The following SDK1 variants were observed in gnomAD, a reference collection of about 807,000 sequenced individuals.
SDK1 encodes the protein protein sidekick-1.
A neutral mutation model predicts 245.5 loss-of-function variants in SDK1; 157 were observed. That is an observed-to-expected ratio of 0.64 (90% CI 0.56 to 0.73). The LOEUF (loss-of-function observed/expected upper bound fraction) is 0.73. Ranked by LOEUF, SDK1 falls within the 30% of genes least tolerant of loss-of-function variation. SDK1 has a pLI of 0.00. For synonymous variants in SDK1, 1,647 were observed against 1,278.5 expected, an observed-to-expected ratio of 1.29 and a Z score of -6.15; for missense variants, 3,583 against 3,002.3, an observed-to-expected ratio of 1.19 and a Z score of -4.52.
intron 1 of SDK1, among the ~76,000 whole-genome samples, chr7:3,552,161 C>T (rs1779439121): frequency 6.6e-6 from 1 of 152,114 alleles, no homozygotes; most frequent in South Asian, 2.1e-4. Flanking sequence ...CCTCAGCCTC[C>T]TGAGTAGCTG....
chr7:3,591,040 A>T (rs1780855762), intron 1 of SDK1, among the ~76,000 whole-genome samples: 1 of 152,158 alleles, frequency 6.6e-6, no homozygotes, highest in Non-Finnish European at 1.5e-5. Flanking sequence ...CTAATGTGCA[A>T]AGTTAAGAAC....
intron 34 of SDK1, among the ~76,000 whole-genome samples, chr7:4,177,452 C>T (rs986101879): frequency 2.6e-5 from 4 of 152,244 alleles, no homozygotes; most frequent in African/African-American, 2.4e-5. Flanking sequence ...TCTCTGTGTA[C>T]AGCAGCCCAC....
intron 5 of SDK1, among the ~76,000 whole-genome samples, chr7:3,928,118 C>T (rs1342894410): frequency 2.0e-5 from 3 of 152,096 alleles, no homozygotes; most frequent in Non-Finnish European, 2.9e-5. Flanking sequence ...GCATTAATAG[C>T]AATTAATGAT....
At chr7:3,723,817 T>C (rs1161450411) in intron 4 of SDK1, among the ~76,000 whole-genome samples, 1 of 149,262 alleles carries the variant, frequency 6.7e-6, no homozygotes, top group Non-Finnish European at 1.5e-5. Context: ...TATATACACG[T>C]ACATATACAT....
intron 1 of SDK1, among the ~76,000 whole-genome samples, chr7:3,427,080 A>G (rs1213419425): frequency 2.0e-5 from 3 of 152,218 alleles, no homozygotes; most frequent in Admixed American, 2.0e-4. Context: ...GTTCAAGCTG[A>G]ACTACACACA....
At chr7:3,926,673 G>C (rs2016180) in intron 5 of SDK1, among the ~76,000 whole-genome samples, 63,220 of 151,982 alleles carry the variant, frequency 0.42, 15,971 homozygotes, top group African/African-American at 0.72. Context: ...GCCACCGTGA[G>C]GTCCTGTTTT....
chr7:3,401,353 C>A (rs1778882606), intron 1 of SDK1, among the ~76,000 whole-genome samples: 1 of 152,084 alleles, frequency 6.6e-6, no homozygotes, highest in African/African-American at 2.4e-5. Context: ...TACAATTTTC[C>A]TGTTTACTGT....
At chr7:3,988,199 C>G (rs1195811738) in intron 14 of SDK1, among the ~76,000 whole-genome samples, 1 of 149,886 alleles carries the variant, frequency 6.7e-6, no homozygotes, top group Non-Finnish European at 1.5e-5. Flanking sequence ...TCCCAGCACC[C>G]CGCATTTCTA....
At chr7:3,814,723 T>C (rs1352781914) in intron 4 of SDK1, among the ~76,000 whole-genome samples, 3 of 151,658 alleles carry the variant, frequency 2.0e-5, no homozygotes, top group Non-Finnish European at 4.4e-5. Context: ...ATTTTCACGA[T>C]ATTGATTCTT....
At chr7:3,311,661 T>C (rs1005931311) in intron 1 of SDK1, among the ~76,000 whole-genome samples, 3 of 152,248 alleles carry the variant, frequency 2.0e-5, no homozygotes, top group African/African-American at 2.4e-5. Flanking sequence ...CTGTTTCATA[T>C]GTTGCGACTC....
chr7:3,743,603 A>G (rs1779536688), intron 4 of SDK1, among the ~76,000 whole-genome samples: 1 of 152,202 alleles, frequency 6.6e-6, no homozygotes, highest in South Asian at 2.1e-4. Context: ...CCACAAAATA[A>G]CTTCAACTGC....
Position 4,026,654 on chromosome 7 carries a change from C to G in SDK1, c.2602+9302C>G, listed in dbSNP as rs1562691296. On this transcript the variant is annotated intron_variant, in intron 17 of 44. Coordinates refer to ENST00000404826, the MANE Select transcript of SDK1 (RefSeq NM_152744.4). The surrounding 1 kb of genome is among the most constrained non-coding windows in gnomAD (Gnocchi z 4.1). ...TAAAGTATTTTCTTCTGAAGGCCATCAGAAAAGAAACTTGAGCTTATTTGT... is the reference window on the plus strand; with the variant it reads ...TAAAGTATTTTCTTCTGAAGGCCATGAGAAAAGAAACTTGAGCTTATTTGT... 6.6e-6 allele frequency among the ~76,000 whole-genome samples: 1 copy of G among 152,200 alleles called. No homozygotes were observed. The highest frequency in any genetic ancestry group is 2.4e-5 in the African/African-American group (1 of 41,450).
At chr7:4,156,586 G>A (rs1434640665) in intron 30 of SDK1, among the ~76,000 whole-genome samples, 1 of 152,238 alleles carries the variant, frequency 6.6e-6, no homozygotes, top group Non-Finnish European at 1.5e-5. Context: ...AGCTGGTAGA[G>A]AAACAGTGTC....
chr7:3,315,988 T>C (rs1204837925), intron 1 of SDK1, among the ~76,000 whole-genome samples: 1 of 152,166 alleles, frequency 6.6e-6, no homozygotes, highest in Non-Finnish European at 1.5e-5. Context: ...GTACCATCGA[T>C]TTCTGGTTAG....
At position 4,226,316 on chromosome 7, in the gene SDK1, C is replaced by T. The variant is rs143092114; in HGVS notation, c.5827+4952C>T. Among the ~76,000 whole-genome samples the T allele has an allele frequency of 8.0e-3, 1,216 of 152,286 alleles. 11 individuals are homozygous for T. The highest frequency in any genetic ancestry group is 0.048 in the Middle Eastern group (14 of 294). On this transcript the variant is annotated intron_variant, in intron 40 of 44. Transcript: ENST00000404826. ...GCCCCTCTGGCCCACGTGGTCGGCT[C>T]GGCCTGATGTCTCTCTATCCAGCTG...
At chr7:4,025,016 TCACACA>T (rs10602730) in intron 17 of SDK1, among the ~76,000 whole-genome samples, 12,294 of 148,340 alleles carry the variant, frequency 0.083, 1,349 homozygotes, top group African/African-American at 0.26. Context: ...TATTTTGCAT[TCACACA>T]CACACACACA....
At chr7:3,463,290 T>G (rs1449508761) in intron 1 of SDK1, among the ~76,000 whole-genome samples, 1 of 152,194 alleles carries the variant, frequency 6.6e-6, no homozygotes, top group African/African-American at 2.4e-5. Flanking sequence ...TTTTTGTTTT[T>G]TCACCATTTT....
At chr7:3,682,392 G>A (rs140131077) in intron 4 of SDK1, among the ~76,000 whole-genome samples, 1 of 152,302 alleles carries the variant, frequency 6.6e-6, no homozygotes, top group East Asian at 1.9e-4. Context: ...CATTTCCAGA[G>A]GGGAAGAAAA....
At chr7:3,575,782 A>C (rs1464212861) in intron 1 of SDK1, among the ~76,000 whole-genome samples, 1 of 152,040 alleles carries the variant, frequency 6.6e-6, no homozygotes, top group Non-Finnish European at 1.5e-5. Flanking sequence ...CCAGTCTATC[A>C]TGTGTCATTG....
Sources: gnomAD v4.1 joint callset for allele counts (sites outside exome capture counted in the v4.1 genomes callset) on GRCh38, gnomAD v4.1.1 for gene constraint, Gnocchi (gnomAD v3.1) non-coding constraint, MANE v1.5 for transcripts, NCBI Gene and HGNC (gene_info 2026-07-23, HGNC 2026-07-21) for gene names.